PAPPA2: variants seen among roughly 807,000 people sequenced by gnomAD.
PAPPA2 encodes pappalysin 2, also known as pappalysin-2.
Under a neutral mutation model 176.4 loss-of-function variants are expected in PAPPA2, and 86 were observed. That is an observed-to-expected ratio of 0.49 (90% CI 0.41 to 0.58). The LOEUF (loss-of-function observed/expected upper bound fraction) is 0.58, where lower values mean the gene tolerates loss of function less well. Among genes scored for constraint, PAPPA2 ranks in the 20% least tolerant of loss-of-function variants. The pLI is 0.00. For synonymous variants in PAPPA2, 809 were observed against 852.2 expected, an observed-to-expected ratio of 0.95 and a Z score of 0.88; for missense variants, 2,073 against 2,256.9, an observed-to-expected ratio of 0.92 and a Z score of 1.65.
At chr1:176,534,325 G>C (rs1649960064) in intron 1 of PAPPA2, among the ~76,000 whole-genome samples, 1 of 152,064 alleles carries the variant, frequency 6.6e-6, no homozygotes, top group Non-Finnish European at 1.5e-5. Context: ...TAATTTCTCT[G>C]TGTTCTCTGG....
At chr1:176,656,327 C>G (rs1658028211) in intron 3 of PAPPA2, among the ~76,000 whole-genome samples, 1 of 151,700 alleles carries the variant, frequency 6.6e-6, no homozygotes. Context: ...CAGCCAAACT[C>G]CAAAGAGCAG....
intron 17 of PAPPA2, among the ~76,000 whole-genome samples, chr1:176,779,748 A>T (rs901352414): frequency 6.6e-6 from 1 of 152,094 alleles, no homozygotes; most frequent in Non-Finnish European, 1.5e-5. Flanking sequence ...GATTTTTTTA[A>T]AGTTAGAGAT....
At chr1:176,838,639 G>A (rs922947665) in intron 21 of PAPPA2, among the ~76,000 whole-genome samples, 10 of 152,242 alleles carry the variant, frequency 6.6e-5, no homozygotes, top group African/African-American at 2.4e-4. Flanking sequence ...CGGGACCTGA[G>A]TCTTGATTCT....
intron 1 of PAPPA2, among the ~76,000 whole-genome samples, chr1:176,517,664 C>T (rs1648990216): frequency 6.6e-6 from 1 of 152,066 alleles, no homozygotes; most frequent in African/African-American, 2.4e-5. Context: ...CTCAGCTTTT[C>T]TGTAGGTCAG....
intron 2 of PAPPA2, among the ~76,000 whole-genome samples, chr1:176,578,682 TTAAGG>T (rs1430525855): frequency 6.6e-6 from 1 of 152,136 alleles, no homozygotes; most frequent in Non-Finnish European, 1.5e-5. Context: ...AGGATGAAAC[TTAAGG>T]TAAGTTTTGA....
intron 13 of PAPPA2, 47 bp from the exon 14 acceptor site, chr1:176,739,932 TG>T: frequency 1.3e-6 from 2 of 1,598,918 alleles, no homozygotes; most frequent in Non-Finnish European, 1.7e-6. Flanking sequence ...TATGGAAACA[TG>T]GTACTAACAA....
intron 3 of PAPPA2, among the ~76,000 whole-genome samples, chr1:176,654,034 T>A (rs1657893897): frequency 6.6e-6 from 1 of 151,832 alleles, no homozygotes; most frequent in South Asian, 2.1e-4. Context: ...TCTTTTACTG[T>A]GCAGAAGCTT....
chr1:176,721,854 T>C (rs1341384422), intron 12 of PAPPA2, among the ~76,000 whole-genome samples: 1 of 152,108 alleles, frequency 6.6e-6, no homozygotes, highest in African/African-American at 2.4e-5. Context: ...CTTTTTTTTT[T>C]CTTGGTTGCC....
Position 176,771,010 on chromosome 1 carries a change from T to G in PAPPA2, c.4545T>G (p.Ser1515=). The change falls in exon 17 of 23, where the codon TCT becomes TCG. Residue 1515 remains serine (S), a synonymous_variant. Coordinates refer to ENST00000367662, the MANE Select transcript of PAPPA2 (RefSeq NM_020318.3). ...WLTCLEDGLW[S]LPEVYCKLEC... is the part of the protein sequence containing the mutation. ...CATGTCTTGAAGATGGTCTCTGGTC[T>G]CTCCCTGAAGTCTACTGCAAGTTGG... The G allele has an allele frequency of 6.2e-7, 1 of 1,614,198 alleles. No homozygotes were observed. Among genetic ancestry groups the G allele is most frequent in the Non-Finnish European group, 8.5e-7 (1 of 1,180,024 alleles).
intron 21 of PAPPA2, among the ~76,000 whole-genome samples, chr1:176,814,567 A>G (rs1317093668): frequency 3.9e-5 from 6 of 152,038 alleles, no homozygotes; most frequent in Admixed American, 3.3e-4. Flanking sequence ...AAGTTCATTC[A>G]TTATTTGGCT....
Position 176,699,380 on chromosome 1 carries a change from C to T in PAPPA2, c.3027C>T (p.Ile1009=), listed in dbSNP as rs1459785227. 2.2e-5 allele frequency: 35 copies of T among 1,614,076 alleles called. No homozygotes were observed. Among genetic ancestry groups the T allele is most frequent in the Middle Eastern group, 1.6e-4 (1 of 6,084 alleles). Reference sequence around the variant, plus strand: ...CTTTCTGTGACATCCCACTCACCATCAAACTGCACGTGGATGGGAAGGTGT... The same window carrying T: ...CTTTCTGTGACATCCCACTCACCATTAAACTGCACGTGGATGGGAAGGTGT... ...LDTFCDIPLT[I]KLHVDGKVSG... Residue 1009 remains isoleucine, a synonymous_variant, in exon 8 of 23, where the codon ATC becomes ATT. Transcript: ENST00000367662.
intron 1 of PAPPA2, among the ~76,000 whole-genome samples, chr1:176,481,395 A>G (rs1376948910): frequency 1.3e-5 from 2 of 151,806 alleles, no homozygotes; most frequent in Non-Finnish European, 2.9e-5. Context: ...GGCAGCTTTG[A>G]GACGGAATAG....
At chr1:176,708,102 C>T (rs1056513016) in intron 10 of PAPPA2, among the ~76,000 whole-genome samples, 3 of 152,154 alleles carry the variant, frequency 2.0e-5, no homozygotes, top group African/African-American at 7.2e-5. Flanking sequence ...ATATTAAATG[C>T]AATATATATT....
intron 2 of PAPPA2, among the ~76,000 whole-genome samples, chr1:176,589,375 T>C (rs998507506): frequency 1.3e-5 from 2 of 152,198 alleles, no homozygotes; most frequent in African/African-American, 4.8e-5. Flanking sequence ...GGTCTCTAAG[T>C]ACAATTTTTG....
At chr1:176,797,326 T>C (rs1665489195) in intron 20 of PAPPA2, among the ~76,000 whole-genome samples, 1 of 152,184 alleles carries the variant, frequency 6.6e-6, no homozygotes, top group Admixed American at 6.5e-5. Context: ...TATATGATTG[T>C]AATTTTTCAA....
intron 3 of PAPPA2, among the ~76,000 whole-genome samples, chr1:176,634,966 A>ATAAATAG (rs1656603927): frequency 7.4e-6 from 1 of 135,162 alleles, no homozygotes; most frequent in Non-Finnish European, 1.6e-5. Flanking sequence ...TAGATAGATA[A>ATAAATAG]ATAGATAGAT....
At chr1:176,487,775 G>C (rs1410413171) in intron 1 of PAPPA2, among the ~76,000 whole-genome samples, 1 of 152,144 alleles carries the variant, frequency 6.6e-6, no homozygotes. Context: ...AGTCAAGTAG[G>C]GGTCAGATAT....
chr1:176,792,835 G>A (rs1304673184), intron 19 of PAPPA2, among the ~76,000 whole-genome samples: 9 of 152,170 alleles, frequency 5.9e-5, no homozygotes, highest in Non-Finnish European at 1.5e-5. Context: ...AGAGAACCTA[G>A]AGAGTGTATT....
chr1:176,469,468 C>T (rs530134614), intron 1 of PAPPA2, among the ~76,000 whole-genome samples: 1 of 152,230 alleles, frequency 6.6e-6, no homozygotes, highest in Admixed American at 6.5e-5. Context: ...TGGAAAACGG[C>T]CCAGGATTAA....
Sources: gnomAD v4.1 joint callset for allele counts (sites outside exome capture counted in the v4.1 genomes callset) on GRCh38, gnomAD v4.1.1 for gene constraint, MANE v1.5 for transcripts, NCBI Gene and HGNC (gene_info 2026-07-23, HGNC 2026-07-21) for gene names.